GALNT14: variants seen among roughly 807,000 people sequenced by gnomAD.
The protein encoded by GALNT14 is polypeptide N-acetylgalactosaminyltransferase 14.
A neutral mutation model predicts 77.5 loss-of-function variants in GALNT14; 60 were observed. That is an observed-to-expected ratio of 0.77 (90% CI 0.63 to 0.96). The LOEUF is 0.96. GALNT14 is among the 40% of genes least tolerant of loss of function. GALNT14 has a pLI of 0.00. For missense variants in GALNT14, 710 were observed against 731.0 expected (o/e 0.97, Z 0.33); for synonymous variants, 280 against 281.7 (o/e 0.99, Z 0.06).
rs775325963 is a variant in GALNT14 at position 30,990,282 on chromosome 2, C to T, written c.299+2556G>A. 3.2e-4 allele frequency among the ~76,000 whole-genome samples: 49 copies of T among 152,226 alleles called. 2 individuals carry two copies. Among genetic ancestry groups the T allele is most frequent in the Non-Finnish European group, 1.3e-4 (9 of 68,040 alleles). ...TCCCCAGAACACAGGTCACCAGCAG[C>T]ATTAGCTGTTCAGTTCTGAGGCAGA... On this transcript the variant is annotated intron_variant, in intron 2 of 14. Transcript: ENST00000349752.
chr2:31,027,918 G>GTGTGTGTGTGTGTGCA (rs61690434), intron 1 of GALNT14, among the ~76,000 whole-genome samples: 14 of 151,452 alleles, frequency 9.2e-5, no homozygotes, highest in South Asian at 2.1e-4. Flanking sequence ...GTGTGTGTGT[G>GTGTGTGTGTGTGTGCA]CACGCATGCA....
intron 2 of GALNT14, among the ~76,000 whole-genome samples, chr2:30,984,189 C>T (rs546825066): frequency 5.3e-5 from 8 of 152,340 alleles, no homozygotes; most frequent in East Asian, 3.9e-4. Context: ...CACTTCAGAA[C>T]GAACTCCCCA....
intron 1 of GALNT14, among the ~76,000 whole-genome samples, chr2:31,103,340 G>A (rs562006302): frequency 6.6e-6 from 1 of 152,050 alleles, no homozygotes; most frequent in East Asian, 1.9e-4. Flanking sequence ...CAAAGATAAA[G>A]TTGGTGTATT....
intron 1 of GALNT14, among the ~76,000 whole-genome samples, chr2:31,026,765 C>A (rs1018074868): frequency 5.3e-5 from 8 of 152,198 alleles, no homozygotes; most frequent in Non-Finnish European, 1.2e-4. Context: ...GACGTTCTCC[C>A]ATGCCATCAT....
chr2:31,129,403 T>G (rs1209349096), intron 1 of GALNT14: 1 of 985,332 alleles, frequency 1.0e-6, no homozygotes, highest in Non-Finnish European at 1.2e-6. Flanking sequence ...ATTCACCCTT[T>G]AATTAGTAAA....
chr2:30,944,721 CA>C (rs1332206231), intron 8 of GALNT14, 136 bp downstream of exon 8: 2 of 633,494 alleles, frequency 3.2e-6, no homozygotes, highest in African/African-American at 1.8e-5. Flanking sequence ...AAAATAAAGG[CA>C]AAAGTGGAGA....
downstream of GALNT14, among the ~76,000 whole-genome samples, chr2:30,906,586 T>A (rs1388187581): frequency 6.6e-6 from 1 of 150,628 alleles, no homozygotes; most frequent in African/African-American, 2.5e-5. Context: ...ACAAAGAGAC[T>A]TAGACTCCCA....
In GALNT14 at chr2:31,137,950, C is replaced by G. The variant is rs1432276390; in HGVS notation, c.129+8G>C. The G allele has an allele frequency of 1.2e-6, 2 of 1,608,122 alleles. No homozygotes were observed. The highest frequency in any genetic ancestry group is 4.5e-5 in the East Asian group (2 of 44,460). On this transcript the variant is annotated splice_region_variant and intron_variant, in intron 1 of 14. Transcript: ENST00000349752. Reference sequence around the variant, plus strand: ...CGCTCAGCGCCAGCGCGCCGGCAAGCCGCCTACCTTAGGGGTCTGCACTTC... The same window carrying G: ...CGCTCAGCGCCAGCGCGCCGGCAAGGCGCCTACCTTAGGGGTCTGCACTTC...
rs1665530690 is a variant in GALNT14, at chr2:30,928,618, A to C, written c.1151+777T>G. ...TTTATTTATTTATTTATTTTTAATT[A>C]ATTAACTAATTTTTTTGAGATGGGG... On this transcript the variant is annotated intron_variant, in intron 11 of 14. Coordinates refer to ENST00000349752, the MANE Select transcript of GALNT14 (RefSeq NM_024572.4). Among the ~76,000 whole-genome samples the C allele has an allele frequency of 2.0e-5, 3 of 151,930 alleles. No homozygotes were observed. In the South Asian group the frequency reaches 6.2e-4, roughly 32 times the overall value.
At chr2:31,002,256 C>T (rs1462514512) in intron 1 of GALNT14, among the ~76,000 whole-genome samples, 1 of 151,954 alleles carries the variant, frequency 6.6e-6, no homozygotes, top group Non-Finnish European at 1.5e-5. Flanking sequence ...ATGGTGAAAC[C>T]CCATCTCTAC....
intron 1 of GALNT14, among the ~76,000 whole-genome samples, chr2:31,048,953 C>T (rs1009241822): frequency 2.8e-4 from 42 of 152,232 alleles, no homozygotes; most frequent in African/African-American, 9.9e-4. Flanking sequence ...ATGCCCCCTC[C>T]AACCTTCAGT....
chr2:30,939,807 A>G (rs565169921), intron 9 of GALNT14, among the ~76,000 whole-genome samples: 4 of 152,038 alleles, frequency 2.6e-5, no homozygotes, highest in Non-Finnish European at 4.4e-5. Context: ...TTCACCCCTT[A>G]GTGCCATCTC....
chr2:31,103,473 C>T lies in GALNT14; in HGVS notation c.129+34485G>A, dbSNP rs1303191626. Reference sequence around the variant, plus strand: ...AGAGATGTTAACACAATGGCAGCTGCGTATAGAGAAGAAGGAAACACACAC... The same window carrying T: ...AGAGATGTTAACACAATGGCAGCTGTGTATAGAGAAGAAGGAAACACACAC... On this transcript the variant is annotated intron_variant, in intron 1 of 14. Coordinates refer to ENST00000349752, the MANE Select transcript of GALNT14 (RefSeq NM_024572.4). Among the ~76,000 whole-genome samples, 5 of 121,424 alleles carry T rather than the reference C, an allele frequency of 4.1e-5. No individual in the cohort carries two copies. In the South Asian group the frequency reaches 7.7e-4, roughly 19 times the overall value. 79.7% of individuals were successfully genotyped at this position (121,424 alleles called of 152,430 possible). A position where few individuals can be genotyped will look rare whatever the true frequency, so the allele number is the denominator to read the frequency against.
rs575512344 is a variant in GALNT14 at position 31,114,633 on chromosome 2, C to T, written c.129+23325G>A. Reference sequence around the variant, plus strand: ...AAAAATCAGGGGCAAAAAGAAATTTCGAGAACAGACTCTAAAAACCCAGCT... The same window carrying T: ...AAAAATCAGGGGCAAAAAGAAATTTTGAGAACAGACTCTAAAAACCCAGCT... On this transcript the variant is annotated intron_variant, in intron 1 of 14. Coordinates refer to ENST00000349752, the MANE Select transcript of GALNT14 (RefSeq NM_024572.4). The T allele has an allele frequency of 2.5e-4, 157 of 633,740 alleles. 1 individual carries two copies. The highest frequency in any genetic ancestry group is 1.5e-3 in the African/African-American group (81 of 54,154). The allele number at this position is 633,740 out of a possible 1,614,324, so 39.3% of individuals were successfully genotyped here. A position where few individuals can be genotyped will look rare whatever the true frequency, so the allele number is the denominator to read the frequency against.
intron 1 of GALNT14, among the ~76,000 whole-genome samples, chr2:31,042,172 TTCACC>T (rs1441695853): frequency 1.8e-4 from 27 of 152,134 alleles, no homozygotes; most frequent in Non-Finnish European, 1.9e-4. Flanking sequence ...AAAAGGATTC[TTCACC>T]TGAAAAAAAG....
chr2:31,085,856 G>A (rs1298497303), intron 1 of GALNT14, among the ~76,000 whole-genome samples: 1 of 152,220 alleles, frequency 6.6e-6, no homozygotes, highest in Non-Finnish European at 1.5e-5. Flanking sequence ...TGGACTCACA[G>A]TTCCACATGG....
intron 1 of GALNT14, among the ~76,000 whole-genome samples, chr2:31,016,420 A>T (rs1350519135): frequency 3.3e-5 from 5 of 152,176 alleles, no homozygotes. Flanking sequence ...GAGAAGGGAC[A>T]CAATTCAGGC....
At chr2:31,038,231 A>G (rs988765271) in intron 1 of GALNT14, among the ~76,000 whole-genome samples, 18 of 150,502 alleles carry the variant, frequency 1.2e-4, no homozygotes, top group African/African-American at 4.2e-4. Flanking sequence ...AGGAGCTGAG[A>G]TTACAGGCAC....
chr2:31,085,227 T>A (rs1284141498), intron 1 of GALNT14, among the ~76,000 whole-genome samples: 1 of 152,182 alleles, frequency 6.6e-6, no homozygotes, highest in East Asian at 1.9e-4. Flanking sequence ...GAAATCTCCA[T>A]GCCCCACTCC....
Sources: allele counts gnomAD v4.1 joint callset (sites outside exome capture counted in the v4.1 genomes callset), GRCh38; gene constraint gnomAD v4.1.1; transcripts MANE v1.5; gene names NCBI Gene and HGNC (gene_info 2026-07-23, HGNC 2026-07-21).